The following DNAH8 variants were observed in gnomAD, a reference collection of about 807,000 sequenced individuals.
The protein encoded by DNAH8 is dynein axonemal heavy chain 8.
A neutral mutation model predicts 562.1 loss-of-function variants in DNAH8; 382 were observed. The ratio of observed to expected loss-of-function variants is 0.68; its 90% CI spans 0.63 to 0.74. The LOEUF is 0.74. Ranked by LOEUF, DNAH8 falls within the 30% of genes least tolerant of loss-of-function variation. DNAH8 has a pLI of 0.00. For synonymous variants in DNAH8, 1,881 were observed against 1,919.4 expected (o/e 0.98, Z 0.52); for missense variants, 5,203 against 5,620.4 (o/e 0.93, Z 2.37).
intron 21 of DNAH8, among the ~76,000 whole-genome samples, chr6:38,800,691 A>G (rs905514073): frequency 6.6e-6 from 1 of 151,976 alleles, no homozygotes; most frequent in African/African-American, 2.4e-5. Flanking sequence ...TAATGTTTGT[A>G]TTTTTAGTAG....
At chr6:38,807,759 T>C (rs775020054) in intron 24 of DNAH8, 43 bp downstream of exon 24, 4 of 1,045,828 alleles carry the variant, frequency 3.8e-6, no homozygotes, top group African/African-American at 3.3e-5. Context: ...ATCATACTTA[T>C]AATGTGAATA....
chr6:38,950,175 AGT>A (rs1043501674), intron 81 of DNAH8, among the ~76,000 whole-genome samples: 75 of 131,552 alleles, frequency 5.7e-4, no homozygotes, highest in Admixed American at 7.6e-4. Flanking sequence ...GAAAAAAATC[AGT>A]GTGTGTGTCT....
intron 70 of DNAH8, among the ~76,000 whole-genome samples, chr6:38,919,091 G>GA (rs1000360865): frequency 5.3e-5 from 8 of 151,056 alleles, no homozygotes; most frequent in Non-Finnish European, 1.0e-4. Flanking sequence ...TAGAATTCAA[G>GA]AAAAAAAAGA....
chr6:38,997,742 T>A (rs1765233953), intron 88 of DNAH8, among the ~76,000 whole-genome samples: 1 of 152,148 alleles, frequency 6.6e-6, no homozygotes, highest in Admixed American at 6.5e-5. Flanking sequence ...GCATTCTTGC[T>A]TCTTTTTGTT....
At position 38,918,016 on chromosome 6, in the gene DNAH8, T is replaced by G. The variant is rs778289417; in HGVS notation, c.10400T>G (p.Phe3467Cys). Residue 3467 changes from phenylalanine to cysteine, a missense_variant, in exon 70 of 93, where the codon TTT becomes TGT. By Grantham distance (205) the Phe-to-Cys change is radical. Coordinates refer to ENST00000327475, the MANE Select transcript of DNAH8 (RefSeq NM_001206927.2). ...ACTGTTGAGTTACTACAGCCATATT[T>G]TAATATGGATGATTATACTTTTGAA... Reference protein sequence around the residue: ...EETVELLQPYFNMDDYTFESA... With the variant: ...EETVELLQPYCNMDDYTFESA... The G allele has an allele frequency of 1.9e-6, 3 of 1,613,288 alleles. No homozygotes were observed. The South Asian group carries it at 3.3e-5, about 18-fold the overall frequency.
chr6:38,823,649 A>G lies in DNAH8; in HGVS notation c.3808A>G (p.Lys1270Glu), dbSNP rs1773069831. ...TTTTGAACAGGAGATTGATGAGTTGAAGCCTATTATTGTTGTAGGAGCACT... is the reference window on the plus strand; with the variant it reads ...TTTTGAACAGGAGATTGATGAGTTGGAGCCTATTATTGTTGTAGGAGCACT... ...ATFEQEIDEL[K>E]PIIVVGALEL... Residue 1270 changes from lysine to glutamate, a missense_variant, in exon 28 of 93, where the codon AAG becomes GAG. Lys to Glu is a moderately conservative substitution (Grantham distance 56, BLOSUM62 1). This residue lies in a region of DNAH8 where 2,176 missense variants were observed against 2,365.1 expected (regional missense o/e 0.92). Coordinates refer to ENST00000327475, the MANE Select transcript of DNAH8 (RefSeq NM_001206927.2). 8 of 1,606,112 alleles carry G rather than the reference A, an allele frequency of 5.0e-6. No individual in the cohort carries two copies. The highest frequency in any genetic ancestry group is 6.0e-6 in the Non-Finnish European group (7 of 1,173,058).
At chr6:38,728,064 C>T (rs979474517) in intron 3 of DNAH8, among the ~76,000 whole-genome samples, 2 of 152,118 alleles carry the variant, frequency 1.3e-5, no homozygotes, top group Admixed American at 6.5e-5. Context: ...CTCCCAGACT[C>T]GGGCCATCCT....
intron 29 of DNAH8, among the ~76,000 whole-genome samples, chr6:38,827,484 T>A (rs1429581377): frequency 6.6e-6 from 1 of 152,140 alleles, no homozygotes; most frequent in Non-Finnish European, 1.5e-5. Context: ...ACTGCCTCAT[T>A]GCCTACAATA....
At chr6:38,989,722 G>A (rs537249892) in intron 87 of DNAH8, among the ~76,000 whole-genome samples, 3 of 152,238 alleles carry the variant, frequency 2.0e-5, no homozygotes, top group African/African-American at 7.2e-5. Flanking sequence ...TGGAATTGAG[G>A]GTTGTCAAAT....
At chr6:38,753,732 G>C (rs1765667361) in intron 9 of DNAH8, among the ~76,000 whole-genome samples, 1 of 152,062 alleles carries the variant, frequency 6.6e-6, no homozygotes, top group Non-Finnish European at 1.5e-5. Flanking sequence ...AAATCATTTA[G>C]TTCTGATGTT....
intron 87 of DNAH8, among the ~76,000 whole-genome samples, chr6:38,987,658 C>G (rs377442085): frequency 1.8e-4 from 27 of 152,322 alleles, no homozygotes; most frequent in African/African-American, 5.1e-4. Flanking sequence ...TTCCCTCCCC[C>G]TCTCTCAGGA....
chr6:38,734,488 A>G lies in DNAH8; in HGVS notation c.625A>G (p.Ile209Val), dbSNP rs1413472247. Residue 209 changes from isoleucine to valine, a missense_variant, in exon 5 of 93, where the codon ATT (isoleucine) becomes GTT (valine). Ile to Val is a conservative substitution (Grantham distance 29, BLOSUM62 3). This residue lies in a region of DNAH8 where 556 missense variants were observed against 496.9 expected (regional missense o/e 1.12). Coordinates refer to ENST00000327475, the MANE Select transcript of DNAH8 (RefSeq NM_001206927.2). ...TTTGTTTTCAGAATGTGGTCGAACT[A>G]TTGCTGGAGCAACTAAAGGGGCAAA... is the stretch of plus-strand genomic sequence containing the variant. ...DVPGIECGRT[I>V]AGATKGAKMM... 1.2e-6 allele frequency: 2 copies of G among 1,613,870 alleles called. No homozygotes were observed. Among genetic ancestry groups the G allele is most frequent in the Admixed American group, 3.3e-5 (2 of 59,966 alleles).
intron 33 of DNAH8, among the ~76,000 whole-genome samples, chr6:38,841,854 A>G (rs1015292072): frequency 6.6e-6 from 1 of 152,174 alleles, no homozygotes; most frequent in East Asian, 1.9e-4. Flanking sequence ...AGTAGCTGGG[A>G]CTACAGTCAC....
At chr6:38,839,745 C>T (rs868158928) in intron 33 of DNAH8, among the ~76,000 whole-genome samples, 8 of 152,190 alleles carry the variant, frequency 5.3e-5, no homozygotes, top group South Asian at 4.2e-4. Context: ...TCACAGCAAC[C>T]TCCACCTGCT....
chr6:38,872,311 G>A (rs147475406), intron 49 of DNAH8, among the ~76,000 whole-genome samples: 58 of 152,298 alleles, frequency 3.8e-4, no homozygotes, highest in African/African-American at 1.2e-3. Flanking sequence ...TTTCCAAAAT[G>A]TAATTCAAGC....
chr6:38,922,317 C>A (rs1781772717), intron 71 of DNAH8, among the ~76,000 whole-genome samples: 1 of 151,614 alleles, frequency 6.6e-6, no homozygotes, highest in Non-Finnish European at 1.5e-5. Flanking sequence ...TTGCTGATTT[C>A]TGTGGTGTAA....
chr6:38,874,078 TTC>T (rs1554124184), intron 52 of DNAH8, among the ~76,000 whole-genome samples: 2 of 63,662 alleles, frequency 3.1e-5, no homozygotes, highest in Non-Finnish European at 7.1e-5. Context: ...TTTTCTTTCT[TTC>T]TTTCTTTCTT....
intron 77 of DNAH8, among the ~76,000 whole-genome samples, chr6:38,937,489 A>G (rs548387518): frequency 2.0e-4 from 30 of 152,310 alleles, no homozygotes; most frequent in African/African-American, 7.0e-4. Context: ...CGACTGTTCT[A>G]CTAAAGCAGT....
chr6:38,953,402 A>T (rs1762047143), intron 82 of DNAH8, among the ~76,000 whole-genome samples: 1 of 152,224 alleles, frequency 6.6e-6, no homozygotes, highest in Non-Finnish European at 1.5e-5. Context: ...CTCCTTTGGG[A>T]GAAATTATAA....
Sources: allele counts gnomAD v4.1 joint callset (sites outside exome capture counted in the v4.1 genomes callset), GRCh38; gene constraint gnomAD v4.1.1; regional missense constraint gnomAD v4.1.1; transcripts MANE v1.5; gene names NCBI Gene and HGNC (gene_info 2026-07-23, HGNC 2026-07-21).